Variants in SNAP47 observed in about 807,000 individuals in gnomAD.
SNAP47 encodes synaptosome associated protein 47, also known as synaptosomal-associated protein 47.
SNAP47 carries 20 observed loss-of-function variants against 31.4 expected under a neutral mutation model. That is an observed-to-expected ratio of 0.64 (90% confidence interval 0.45 to 0.93). The LOEUF (loss-of-function observed/expected upper bound fraction) is 0.93. SNAP47 is among the 40% of genes least tolerant of loss of function. SNAP47 has a pLI of 0.00. For missense variants in SNAP47, 492 were observed against 528.5 expected (o/e 0.93, Z 0.68); for synonymous variants, 194 against 213.4 (o/e 0.91, Z 0.79).
chr1:227,778,771 T>C (rs1314370758), intron 4 of SNAP47, among the ~76,000 whole-genome samples: 1 of 152,202 alleles, frequency 6.6e-6, no homozygotes, highest in African/African-American at 2.4e-5. Context: ...TGTGAGGTCA[T>C]CTGCCCGTCC....
rs1662115021 is a variant in SNAP47 at position 227,748,315 on chromosome 1, C to A, written c.497+82C>A. 2.9e-6 allele frequency: 4 copies of A among 1,396,498 alleles called. No individual in the cohort carries two copies. The Admixed American group carries it at 8.5e-5, about 30-fold the overall frequency. The allele number at this position is 1,396,498 out of a possible 1,614,324, so 86.5% of individuals were successfully genotyped here. On this transcript the variant is annotated intron_variant, in intron 2 of 4. Coordinates refer to ENST00000617596, the MANE Select transcript of SNAP47 (RefSeq NM_053052.4). ...GAGGCTCACAGGCACTGTTCCAGGC[C>A]ACTGCACCATATTTGCACACATCCA...
intron 1 of SNAP47, chr1:227,735,878 G>A (rs116498012): frequency 0.011 from 3,585 of 331,810 alleles, 24 homozygotes; most frequent in Middle Eastern, 0.038. Flanking sequence ...GTGGGACCTG[G>A]AGGGGATGGG....
chr1:227,768,674 C>T (rs1663593185), intron 4 of SNAP47, among the ~76,000 whole-genome samples: 1 of 152,224 alleles, frequency 6.6e-6, no homozygotes, highest in Admixed American at 6.5e-5. Flanking sequence ...GTAGCCAGCT[C>T]ACTCTGCAGG....
Position 227,771,502 on chromosome 1 carries a change from C to A in SNAP47, c.1113+4419C>A, listed in dbSNP as rs556004631. Among the ~76,000 whole-genome samples the A allele has an allele frequency of 2.0e-5, 3 of 152,098 alleles. No individual in the cohort carries two copies. In the East Asian group the frequency reaches 5.8e-4, roughly 29 times the overall value. On this transcript the variant is annotated intron_variant, in intron 4 of 4. Coordinates refer to ENST00000617596, the MANE Select transcript of SNAP47 (RefSeq NM_053052.4). ...ACCAGGTGTGGGGGCCCTGCATGCA[C>A]GTAGCTTGAGGGTGCCCTGTAACTC...
At chr1:227,768,668 C>G (rs1175964084) in intron 4 of SNAP47, among the ~76,000 whole-genome samples, 2 of 152,208 alleles carry the variant, frequency 1.3e-5, no homozygotes, top group African/African-American at 4.8e-5. Context: ...GTAGGTGTAG[C>G]CAGCTCACTC....
chr1:227,768,429 C>A, intron 4 of SNAP47: 2 of 582,830 alleles, frequency 3.4e-6, no homozygotes, highest in Non-Finnish European at 4.3e-6. Context: ...GATGGCTCTG[C>A]CCATGTCCAC....
At chr1:227,755,625 T>TA (rs1422716199) in intron 2 of SNAP47, among the ~76,000 whole-genome samples, 1 of 152,164 alleles carries the variant, frequency 6.6e-6, no homozygotes, top group African/African-American at 2.4e-5. Flanking sequence ...GGGCCTCAAG[T>TA]AATCCACCTC....
At chr1:227,749,585 T>G (rs1662209300) in intron 2 of SNAP47, among the ~76,000 whole-genome samples, 1 of 152,232 alleles carries the variant, frequency 6.6e-6, no homozygotes. Context: ...TGGCATACTA[T>G]CCACCTTCCT....
intron 4 of SNAP47, among the ~76,000 whole-genome samples, chr1:227,775,579 G>A (rs1013357564): frequency 3.9e-5 from 6 of 152,212 alleles, no homozygotes; most frequent in African/African-American, 1.2e-4. Flanking sequence ...CTGTCTTCCC[G>A]GGCTGCTGGT....
At chr1:227,768,562 A>T (rs1663584864) in intron 4 of SNAP47, among the ~76,000 whole-genome samples, 1 of 152,172 alleles carries the variant, frequency 6.6e-6, no homozygotes, top group Non-Finnish European at 1.5e-5. Context: ...AGGTGTTCAT[A>T]TTTGCTCTGG....
upstream of SNAP47, chr1:227,734,618 G>A (rs1660936872): frequency 6.2e-7 from 1 of 1,609,514 alleles, no homozygotes; most frequent in Non-Finnish European, 8.5e-7. Context: ...CGCTAGGGAA[G>A]GCAGCGCCTC....
chr1:227,779,860 C>T (rs1330683108), intron 4 of SNAP47, among the ~76,000 whole-genome samples: 1 of 152,198 alleles, frequency 6.6e-6, no homozygotes, highest in Admixed American at 6.5e-5. Context: ...CCCATCCAGC[C>T]TTCCCTATCC....
chr1:227,738,468 G>A (rs1233673465), intron 1 of SNAP47, among the ~76,000 whole-genome samples: 1 of 151,868 alleles, frequency 6.6e-6, no homozygotes, highest in Non-Finnish European at 1.5e-5. Flanking sequence ...ATACGTTCAC[G>A]CACATGTATG....
At chr1:227,761,382 G>A (rs1439045436) in intron 3 of SNAP47, among the ~76,000 whole-genome samples, 3 of 152,330 alleles carry the variant, frequency 2.0e-5, no homozygotes, top group African/African-American at 4.8e-5. Context: ...TATGCAGCAC[G>A]TAGTTGAATC....
chr1:227,759,093 C>G lies in SNAP47; in HGVS notation c.596C>G (p.Thr199Ser). The G allele has an allele frequency of 6.2e-7, 1 of 1,614,186 alleles. No individual in the cohort carries two copies. The highest frequency in any genetic ancestry group is 1.1e-5 in the South Asian group (1 of 91,086). Residue 199 changes from threonine (T) to serine (S), a missense_variant, in exon 3 of 5, where the codon ACC becomes AGC. By Grantham distance (58) the Thr-to-Ser change is moderately conservative. Coordinates refer to ENST00000617596, the MANE Select transcript of SNAP47 (RefSeq NM_053052.4). ...ETKPREDVSM[T>S]SCEPFGKEGI... ...AAGCCCAGGGAAGATGTCTCCATGA[C>G]CAGTTGTGAACCCTTTGGGAAAGAA...
chr1:227,735,287 G>T (rs751745266), upstream of SNAP47: 103 of 1,605,926 alleles, frequency 6.4e-5, no homozygotes, highest in Non-Finnish European at 7.8e-5. Flanking sequence ...GCTCAGCACG[G>T]GTCGAAGGAC....
chr1:227,772,284 C>T lies in SNAP47; in HGVS notation c.1113+5201C>T, dbSNP rs1390824926. ...ATTCAGTGGAGTTAATGAAATTCACCACCATCATCCTGCACAGAAACAGTT... is the reference window on the plus strand; with the variant it reads ...ATTCAGTGGAGTTAATGAAATTCACTACCATCATCCTGCACAGAAACAGTT... On this transcript the variant is annotated intron_variant, in intron 4 of 4. Coordinates refer to ENST00000617596, the MANE Select transcript of SNAP47 (RefSeq NM_053052.4). Among the ~76,000 whole-genome samples, 3 of 152,084 alleles carry T rather than the reference C, an allele frequency of 2.0e-5. No individual in the cohort carries two copies. The East Asian group carries it at 5.8e-4, about 29-fold the overall frequency.
At chr1:227,750,650 C>T (rs1662287714) in intron 2 of SNAP47, among the ~76,000 whole-genome samples, 1 of 152,162 alleles carries the variant, frequency 6.6e-6, no homozygotes, top group Non-Finnish European at 1.5e-5. Flanking sequence ...TGGGCTGGAC[C>T]CTGACAGTGT....
chr1:227,757,762 G>A (rs1390127829), intron 2 of SNAP47, among the ~76,000 whole-genome samples: 3 of 152,354 alleles, frequency 2.0e-5, no homozygotes, highest in Middle Eastern at 3.4e-3. Flanking sequence ...CTACAGTCAG[G>A]ATGGAAGGAA....
Sources: gnomAD v4.1 joint callset for allele counts (sites outside exome capture counted in the v4.1 genomes callset) on GRCh38, gnomAD v4.1.1 for gene constraint, MANE v1.5 for transcripts, NCBI Gene and HGNC (gene_info 2026-07-23, HGNC 2026-07-21) for gene names.